Variants in SIPA1L2 observed in about 807,000 individuals in gnomAD.
The protein encoded by SIPA1L2 is signal induced proliferation associated 1 like 2.
A neutral mutation model predicts 163.9 loss-of-function variants in SIPA1L2; 56 were observed. That is an observed-to-expected ratio of 0.34 (90% confidence interval 0.28 to 0.43). The LOEUF (loss-of-function observed/expected upper bound fraction) is 0.43. Among genes scored for constraint, SIPA1L2 ranks in the 20% least tolerant of loss-of-function variants. The pLI is 1.00. For synonymous variants in SIPA1L2, 877 were observed against 865.7 expected (o/e 1.01, Z -0.23); for missense variants, 1,974 against 2,193.5 (o/e 0.90, Z 2.00).
At chr1:232,499,312 C>G (rs1666350660) in intron 3 of SIPA1L2, among the ~76,000 whole-genome samples, 1 of 152,090 alleles carries the variant, frequency 6.6e-6, no homozygotes, top group Non-Finnish European at 1.5e-5. Flanking sequence ...GTAGTGAATG[C>G]AAAGAAAAAG....
chr1:232,466,956 T>C (rs1417487706), intron 8 of SIPA1L2, among the ~76,000 whole-genome samples: 2 of 152,160 alleles, frequency 1.3e-5, no homozygotes, highest in African/African-American at 4.8e-5. Flanking sequence ...CAGGCTGATG[T>C]TGGAGTAAAG....
chr1:232,612,631 TG>T (rs1201235792), intron 1 of SIPA1L2, among the ~76,000 whole-genome samples: 1 of 152,240 alleles, frequency 6.6e-6, no homozygotes. Flanking sequence ...TTCTCCCATT[TG>T]GAAGAGCTGT....
chr1:232,484,733 G>A (rs1665559310), intron 5 of SIPA1L2, among the ~76,000 whole-genome samples: 1 of 152,134 alleles, frequency 6.6e-6, no homozygotes, highest in Non-Finnish European at 1.5e-5. Context: ...AGAAACTGGA[G>A]GCATTTTCAC....
chr1:232,402,266 G>A (rs764767910), intron 22 of SIPA1L2, 126 bp downstream of exon 22: 73 of 693,442 alleles, frequency 1.1e-4, no homozygotes, highest in Middle Eastern at 5.9e-4. Flanking sequence ...GCATCTGTTG[G>A]TATTTATCAT....
In SIPA1L2 at chr1:232,434,202, A is replaced by G. The variant is rs140514559; in HGVS notation, c.4032-1731T>C. Among the ~76,000 whole-genome samples, 275 of 152,330 alleles carry G rather than the reference A, an allele frequency of 1.8e-3. 1 individual carries two copies. The highest frequency in any genetic ancestry group is 6.5e-3 in the African/African-American group (271 of 41,576). ...CACAGACCTTTTCTGATACATGTATAAAGCAAGTCTCATAAAAGACGAATA... is the reference window on the plus strand; with the variant it reads ...CACAGACCTTTTCTGATACATGTATGAAGCAAGTCTCATAAAAGACGAATA... On this transcript the variant is annotated intron_variant, in intron 15 of 22. Coordinates refer to ENST00000674635, the MANE Select transcript of SIPA1L2 (RefSeq NM_020808.5).
At chr1:232,562,635 G>A (rs1437596378) in intron 2 of SIPA1L2, among the ~76,000 whole-genome samples, 1 of 152,114 alleles carries the variant, frequency 6.6e-6, no homozygotes, top group Non-Finnish European at 1.5e-5. Context: ...GTATTTCCAA[G>A]AATGGATTCG....
At chr1:232,425,871 T>C (rs189596393) in intron 17 of SIPA1L2, 63 bp from the exon 18 acceptor site, 22 of 1,410,888 alleles carry the variant, frequency 1.6e-5, no homozygotes, top group Admixed American at 5.5e-5. Flanking sequence ...ACGGGGCTTG[T>C]TGGACTAAGT....
chr1:232,415,463 G>T, intron 19 of SIPA1L2, 31 bp downstream of exon 19: 12 of 1,581,362 alleles, frequency 7.6e-6, no homozygotes, highest in Non-Finnish European at 1.0e-5. Flanking sequence ...CCCAGGGTAA[G>T]GGGTGAGGCC....
chr1:232,630,487 T>C (rs1001524947), upstream of SIPA1L2, among the ~76,000 whole-genome samples: 13 of 152,088 alleles, frequency 8.5e-5, no homozygotes, highest in Non-Finnish European at 1.6e-4. Flanking sequence ...CTTTCGCCCC[T>C]CTGAGGAATA....
At chr1:232,421,523 C>T (rs1386669125) in intron 18 of SIPA1L2, among the ~76,000 whole-genome samples, 1 of 152,076 alleles carries the variant, frequency 6.6e-6, no homozygotes, top group Admixed American at 6.5e-5. Context: ...AGACTGAGGA[C>T]ATTTGAAAAA....
intron 17 of SIPA1L2, among the ~76,000 whole-genome samples, chr1:232,426,559 C>T (rs1661917005): frequency 6.6e-6 from 1 of 152,066 alleles, no homozygotes; most frequent in Non-Finnish European, 1.5e-5. Flanking sequence ...ACTAGGGAGG[C>T]TGAGGCAGGA....
chr1:232,547,805 A>AT (rs1250981362), intron 2 of SIPA1L2, among the ~76,000 whole-genome samples: 1 of 152,076 alleles, frequency 6.6e-6, no homozygotes, highest in African/African-American at 2.4e-5. Flanking sequence ...ATCATATCTC[A>AT]TTTCCAAATC....
intron 2 of SIPA1L2, among the ~76,000 whole-genome samples, chr1:232,542,260 G>T (rs1558256478): frequency 6.6e-6 from 1 of 152,054 alleles, no homozygotes; most frequent in Non-Finnish European, 1.5e-5. Context: ...TTATTTCCAG[G>T]ATACTCAACA....
intron 2 of SIPA1L2, among the ~76,000 whole-genome samples, chr1:232,540,694 G>C (rs2103106598): frequency 6.6e-6 from 1 of 152,184 alleles, no homozygotes; most frequent in Admixed American, 6.5e-5. Context: ...GAAGAAAACT[G>C]AGCCTACGGA....
rs1369307757 is a variant in SIPA1L2 at position 232,555,025 on chromosome 1, A to AAT, written c.-270+19148_-270+19149insAT. 5.9e-5 allele frequency among the ~76,000 whole-genome samples: 9 copies of AAT among 152,338 alleles called. No homozygotes were observed. The East Asian group carries it at 1.7e-3, about 29-fold the overall frequency. Reference sequence around the variant, plus strand: ...AGAAATTGAGTTTACAAACTTATGGACATTAATTATTCAATTTTGGCAGAT... The same window carrying AAT: ...AGAAATTGAGTTTACAAACTTATGGAATCATTAATTATTCAATTTTGGCAGAT... On this transcript the variant is annotated intron_variant, in intron 2 of 22. Transcript: ENST00000674635.
At chr1:232,488,671 A>G (rs946028087) in intron 5 of SIPA1L2, among the ~76,000 whole-genome samples, 1 of 152,244 alleles carries the variant, frequency 6.6e-6, no homozygotes, top group African/African-American at 2.4e-5. Context: ...TTATCAAAGC[A>G]GAATCCCATT....
chr1:232,573,302 T>A (rs1034662521), intron 2 of SIPA1L2, among the ~76,000 whole-genome samples: 1 of 151,948 alleles, frequency 6.6e-6, no homozygotes, highest in Non-Finnish European at 1.5e-5. Flanking sequence ...TTGGTGTGAG[T>A]AAGGAATCGA....
At position 232,614,379 on chromosome 1, in the gene SIPA1L2, T is replaced by C. The variant is rs145002364; in HGVS notation, c.-319+15490A>G. 2.0e-4 allele frequency among the ~76,000 whole-genome samples: 30 copies of C among 152,258 alleles called. 1 individual carries two copies. The East Asian group carries it at 3.9e-3, about 20-fold the overall frequency. On this transcript the variant is annotated intron_variant, in intron 1 of 22. Coordinates refer to ENST00000674635, the MANE Select transcript of SIPA1L2 (RefSeq NM_020808.5). ...CTCACACACAAGTTTCGTACTTCAG[T>C]TCAGATAGAGTAGAAACACCATCCT... is the stretch of plus-strand genomic sequence containing the variant.
At chr1:232,507,670 C>T (rs1359135020) in intron 3 of SIPA1L2, among the ~76,000 whole-genome samples, 2 of 152,246 alleles carry the variant, frequency 1.3e-5, no homozygotes, top group Non-Finnish European at 2.9e-5. Flanking sequence ...TCCCCTATTA[C>T]TGTGCTTCTA....
Sources: gnomAD v4.1 joint callset for allele counts (sites outside exome capture counted in the v4.1 genomes callset) on GRCh38, gnomAD v4.1.1 for gene constraint, MANE v1.5 for transcripts, NCBI Gene and HGNC (gene_info 2026-07-23, HGNC 2026-07-21) for gene names.